RELN: variants seen among roughly 807,000 people sequenced by gnomAD.
RELN encodes reelin.
A neutral mutation model predicts 427.6 loss-of-function variants in RELN; 108 were observed. That is an observed-to-expected ratio of 0.25 (90% CI 0.22 to 0.30). The LOEUF is 0.30. Ranked by LOEUF, RELN falls within the 10% of genes least tolerant of loss-of-function variation. RELN has a pLI of 1.00. For synonymous variants in RELN, 1,524 were observed against 1,513.4 expected (o/e 1.01, Z -0.16); for missense variants, 3,715 against 4,302.8 (o/e 0.86, Z 3.82).
At chr7:103,825,467 C>A (rs1237791439) in intron 3 of RELN, among the ~76,000 whole-genome samples, 3 of 152,066 alleles carry the variant, frequency 2.0e-5, no homozygotes, top group Admixed American at 2.0e-4. Flanking sequence ...AATTAGGTAA[C>A]CAGCTGTTTA....
chr7:103,854,964 A>C lies in RELN; in HGVS notation c.338-21292T>G, dbSNP rs138596506. On this transcript the variant is annotated intron_variant, in intron 2 of 64. Transcript: ENST00000428762. ...AGTATGAATTATTTTGTGAGACCAA[A>C]GAGATGGCAAATGCAACTGCTTAAG... Among the ~76,000 whole-genome samples, 559 of 152,350 alleles carry C rather than the reference A, an allele frequency of 3.7e-3. 4 individuals carry two copies. Among genetic ancestry groups the C allele is most frequent in the Middle Eastern group, 0.017 (5 of 294 alleles).
At chr7:103,879,009 A>G (rs1205780812) in intron 2 of RELN, among the ~76,000 whole-genome samples, 1 of 152,184 alleles carries the variant, frequency 6.6e-6, no homozygotes, top group Non-Finnish European at 1.5e-5. Flanking sequence ...ATGCTTATCA[A>G]TGCAAAGGAA....
At chr7:103,483,879 T>G in intron 61 of RELN, 29 bp from the exon 62 acceptor site, 1 of 1,601,474 alleles carries the variant, frequency 6.2e-7, no homozygotes, top group East Asian at 2.3e-5. Context: ...TCATCTTTAT[T>G]TTTATTTATT....
chr7:103,675,913 T>A (rs1833509626), intron 11 of RELN, among the ~76,000 whole-genome samples: 1 of 152,092 alleles, frequency 6.6e-6, no homozygotes. Context: ...ACTTACATGT[T>A]AGACCTAAAA....
chr7:103,778,637 G>A (rs908294204), intron 3 of RELN, among the ~76,000 whole-genome samples: 15 of 152,136 alleles, frequency 9.9e-5, no homozygotes, highest in Admixed American at 5.9e-4. Context: ...ATCTTGTGAG[G>A]AGTCCACACT....
In RELN at chr7:103,949,473, G is replaced by T. The variant is rs1260108194; in HGVS notation, c.227-32288C>A. Among the ~76,000 whole-genome samples the T allele has an allele frequency of 2.6e-5, 4 of 152,004 alleles. No homozygotes were observed. In the South Asian group the frequency reaches 8.3e-4, roughly 32 times the overall value. Reference sequence around the variant, plus strand: ...TAGGTCATAAACGAGGAGCCCTCACGAACGCGATTAGTGCTCTTAGAGGAA... The same window carrying T: ...TAGGTCATAAACGAGGAGCCCTCACTAACGCGATTAGTGCTCTTAGAGGAA... On this transcript the variant is annotated intron_variant, in intron 1 of 64. Coordinates refer to ENST00000428762, the MANE Select transcript of RELN (RefSeq NM_005045.4).
chr7:103,658,095 T>G (rs1833061467), intron 12 of RELN, among the ~76,000 whole-genome samples: 1 of 152,128 alleles, frequency 6.6e-6, no homozygotes, highest in African/African-American at 2.4e-5. Context: ...TGATGTCTCT[T>G]AGGTTATTTT....
chr7:103,521,373 T>A (rs78782086), intron 48 of RELN, among the ~76,000 whole-genome samples: 3,436 of 152,240 alleles, frequency 0.023, 146 homozygotes, highest in African/African-American at 0.079. Flanking sequence ...AAAAGTAGAG[T>A]GACTATAAAA....
At chr7:103,864,076 G>C (rs532133335) in intron 2 of RELN, among the ~76,000 whole-genome samples, 1 of 152,200 alleles carries the variant, frequency 6.6e-6, no homozygotes, top group East Asian at 1.9e-4. Flanking sequence ...ACTTCACTCA[G>C]AAGTGTGTGC....
intron 1 of RELN, among the ~76,000 whole-genome samples, chr7:103,957,215 A>C (rs1175600800): frequency 3.5e-5 from 5 of 142,942 alleles, no homozygotes; most frequent in South Asian, 2.2e-4. Flanking sequence ...CAAGTGAAAA[A>C]AGACGACTTT....
At chr7:103,940,891 C>T (rs935197721) in intron 1 of RELN, among the ~76,000 whole-genome samples, 2 of 152,128 alleles carry the variant, frequency 1.3e-5, no homozygotes, top group Non-Finnish European at 2.9e-5. Flanking sequence ...CTTTGTTATG[C>T]TTTTGCCTGC....
intron 10 of RELN, among the ~76,000 whole-genome samples, chr7:103,696,153 C>T (rs1196325232): frequency 3.9e-5 from 6 of 152,130 alleles, no homozygotes; most frequent in Non-Finnish European, 7.4e-5. Flanking sequence ...TTGTGATCCT[C>T]ACCCCTTTCT....
intron 48 of RELN, 79 bp downstream of exon 48, chr7:103,521,943 T>G (rs2117091759): frequency 6.9e-7 from 1 of 1,454,436 alleles, no homozygotes; most frequent in East Asian, 2.3e-5. Flanking sequence ...GATTTGCCCA[T>G]TAAACTTCAG....
At chr7:103,553,934 T>C (rs1271352985) in intron 38 of RELN, 103 bp from the exon 39 acceptor site, 1 of 951,294 alleles carries the variant, frequency 1.1e-6, no homozygotes, top group African/African-American at 1.6e-5. Context: ...TCAGTAACAA[T>C]AGGTTAAACA....
chr7:103,868,711 A>C (rs1794258340), intron 2 of RELN, among the ~76,000 whole-genome samples: 1 of 152,098 alleles, frequency 6.6e-6, no homozygotes, highest in South Asian at 2.1e-4. Flanking sequence ...AGGTCTTTCA[A>C]ACGCTTTGCC....
At chr7:103,779,929 T>C (rs1389686480) in intron 3 of RELN, among the ~76,000 whole-genome samples, 1 of 152,224 alleles carries the variant, frequency 6.6e-6, no homozygotes, top group African/African-American at 2.4e-5. Flanking sequence ...GGTTTCACCA[T>C]GTTGGCCAGG....
intron 28 of RELN, among the ~76,000 whole-genome samples, chr7:103,585,946 A>C (rs529036531): frequency 1.5e-4 from 23 of 152,224 alleles, no homozygotes; most frequent in Non-Finnish European, 2.9e-4. Flanking sequence ...CAGAACTAAA[A>C]ACAAAAACAT....
intron 3 of RELN, among the ~76,000 whole-genome samples, chr7:103,794,498 C>CT (rs1172545729): frequency 3.3e-5 from 5 of 152,166 alleles, no homozygotes; most frequent in Non-Finnish European, 7.3e-5. Context: ...TGATTTTTCA[C>CT]TTTCCTTGGT....
chr7:103,604,365 A>T lies in RELN; in HGVS notation c.3127T>A (p.Cys1043Ser). ...ACATACCTGCATATGCCATGATCGC[A>T]TGAGCCATGCCCACTGCACATGTTG... ...CPNMCSGHGS[C>S]DHGICRCDQG... The change falls in exon 23 of 65, where the codon TGC becomes AGC. Residue 1043 changes from cysteine to serine, a missense_variant. Physicochemically the swap from Cys to Ser is moderately radical, Grantham distance 112 (BLOSUM62 -1). Coordinates refer to ENST00000428762, the MANE Select transcript of RELN (RefSeq NM_005045.4). 1 of 1,613,868 alleles carries T rather than the reference A, an allele frequency of 6.2e-7. No individual in the cohort carries two copies. Among genetic ancestry groups the T allele is most frequent in the Non-Finnish European group, 8.5e-7 (1 of 1,179,804 alleles).
Sources: gnomAD v4.1 joint callset for allele counts (sites outside exome capture counted in the v4.1 genomes callset) on GRCh38, gnomAD v4.1.1 for gene constraint, MANE v1.5 for transcripts, NCBI Gene and HGNC (gene_info 2026-07-23, HGNC 2026-07-21) for gene names.